The following NEBL variants were observed in gnomAD, a reference collection of about 807,000 sequenced individuals.
NEBL encodes LIM and SH3 protein 2.
A neutral mutation model predicts 140.2 loss-of-function variants in NEBL; 122 were observed. The observed-to-expected ratio is 0.87, with a 90% CI of 0.75 to 1.01. The LOEUF is 1.01. Ranked by LOEUF, NEBL falls within the 50% of genes least tolerant of loss-of-function variation. NEBL has a pLI of 0.00. For synonymous variants in NEBL, 436 were observed against 398.9 expected (o/e 1.09, Z -1.11); for missense variants, 1,365 against 1,231.3 (o/e 1.11, Z -1.62).
At chr10:20,987,492 C>T (rs185838228) in intron 3 of NEBL, among the ~76,000 whole-genome samples, 1 of 152,294 alleles carries the variant, frequency 6.6e-6, no homozygotes, top group Non-Finnish European at 1.5e-5. Flanking sequence ...ATGCAATGCA[C>T]TCCACATCCT....
At chr10:20,912,892 T>C (rs907360419) in intron 4 of NEBL, among the ~76,000 whole-genome samples, 1 of 151,044 alleles carries the variant, frequency 6.6e-6, no homozygotes, top group Non-Finnish European at 1.5e-5. Context: ...TTTTTTTTTT[T>C]TTTTTTTTTA....
At chr10:20,930,302 C>T (rs1356055268) in intron 4 of NEBL, among the ~76,000 whole-genome samples, 2 of 152,140 alleles carry the variant, frequency 1.3e-5, no homozygotes, top group African/African-American at 2.4e-5. Context: ...TCCTTCGACA[C>T]GTTTTATTGG....
In NEBL at chr10:20,782,643, C is replaced by T. The variant is rs1835105689; in HGVS notation, c.*3104G>A. ...TATTCCTACAAGGTGCTTGTGGAAA[C>T]TGTGCTTACAAATGCCTGTGTGGTG... On this transcript the variant is annotated 3_prime_UTR_variant, in exon 28 of 28. Coordinates refer to ENST00000377122, the MANE Select transcript of NEBL (RefSeq NM_006393.3). 6.6e-6 allele frequency: 1 copy of T among 152,198 alleles called. No homozygotes were observed. The highest frequency in any genetic ancestry group is 1.5e-5 in the Non-Finnish European group (1 of 68,052). 9.4% of individuals were successfully genotyped at this position (152,198 alleles called of 1,614,324 possible).
chr10:21,093,403 G>T (rs1194776719), intron 2 of NEBL, among the ~76,000 whole-genome samples: 3 of 152,082 alleles, frequency 2.0e-5, no homozygotes, highest in South Asian at 4.1e-4. Context: ...CTCTTGGCTT[G>T]CTCTGTCTCC....
intron 2 of NEBL, among the ~76,000 whole-genome samples, chr10:21,130,510 C>G (rs1246025937): frequency 6.6e-6 from 1 of 152,068 alleles, no homozygotes; most frequent in Non-Finnish European, 1.5e-5. Context: ...TACACCTTAG[C>G]AAATTTAAAA....
chr10:20,799,022 T>C (rs551709409), intron 26 of NEBL, among the ~76,000 whole-genome samples: 1 of 152,340 alleles, frequency 6.6e-6, no homozygotes. Context: ...TTGCGAACAA[T>C]GTACAATGTG....
Position 20,823,320 on chromosome 10 carries a change from A to ATAACGT in NEBL, c.1870-26_1870-21dup, listed in dbSNP as rs1470563880. 3 of 1,543,520 alleles carry ATAACGT rather than the reference A, an allele frequency of 1.9e-6. No individual in the cohort carries two copies. Among genetic ancestry groups the ATAACGT allele is most frequent in the East Asian group, 4.5e-5 (2 of 44,320 alleles). ...TTTCACCTGCATAATTTATAAGAAT[A>ATAACGT]TAACGTTAACTTTATTCTATGCAAG... is the stretch of plus-strand genomic sequence containing the variant. On this transcript the variant is annotated intron_variant, in intron 18 of 27. Coordinates refer to ENST00000377122, the MANE Select transcript of NEBL (RefSeq NM_006393.3).
chr10:20,897,288 C>A lies in NEBL; in HGVS notation c.-83G>T. 1.3e-6 allele frequency: 2 copies of A among 1,514,638 alleles called. No individual in the cohort carries two copies. Among genetic ancestry groups the A allele is most frequent in the Admixed American group, 2.2e-5 (1 of 46,366 alleles). 93.8% of individuals were successfully genotyped at this position (1,514,638 alleles called of 1,614,324 possible). ...TACCACAGTGCCCTTGAGATGCTGA[C>A]GTCTCTGGTGCTCTGGCAGAAATGC... is the stretch of plus-strand genomic sequence containing the variant. On this transcript the variant is annotated 5_prime_UTR_variant, in exon 1 of 28. Coordinates refer to ENST00000377122, the MANE Select transcript of NEBL (RefSeq NM_006393.3).
chr10:21,153,310 G>C (rs1211127628), intron 2 of NEBL, among the ~76,000 whole-genome samples: 1 of 151,448 alleles, frequency 6.6e-6, no homozygotes, highest in African/African-American at 2.4e-5. Flanking sequence ...GGCTGCAAAG[G>C]CCCTTGTATT....
intron 2 of NEBL, among the ~76,000 whole-genome samples, chr10:21,087,611 G>A (rs1836698768): frequency 6.6e-6 from 1 of 152,206 alleles, no homozygotes; most frequent in Non-Finnish European, 1.5e-5. Context: ...TTAAACTCAT[G>A]TGACTAAAAT....
At chr10:20,956,120 A>G (rs573845035) in intron 4 of NEBL, among the ~76,000 whole-genome samples, 22 of 152,202 alleles carry the variant, frequency 1.4e-4, no homozygotes, top group Non-Finnish European at 2.8e-4. Context: ...GTTCTGCTCT[A>G]CATGGAAAAA....
chr10:20,964,388 G>C (rs1397770485), intron 3 of NEBL, among the ~76,000 whole-genome samples: 1 of 152,186 alleles, frequency 6.6e-6, no homozygotes, highest in Non-Finnish European at 1.5e-5. Flanking sequence ...TCTGTAAGCT[G>C]TACAGGAAGC....
At chr10:21,121,125 C>T (rs983811104) in intron 2 of NEBL, among the ~76,000 whole-genome samples, 2 of 152,116 alleles carry the variant, frequency 1.3e-5, no homozygotes, top group African/African-American at 4.8e-5. Flanking sequence ...CTTTTTTTAA[C>T]AGTATCTACC....
At chr10:21,039,092 T>C (rs1834145247) in intron 2 of NEBL, among the ~76,000 whole-genome samples, 1 of 146,530 alleles carries the variant, frequency 6.8e-6, no homozygotes, top group African/African-American at 2.5e-5. Flanking sequence ...TTTTTGTAAA[T>C]TTGTTTAAGT....
upstream of NEBL, among the ~76,000 whole-genome samples, chr10:21,176,013 A>G (rs1243928730): frequency 6.6e-6 from 1 of 151,156 alleles, no homozygotes; most frequent in Non-Finnish European, 1.5e-5. Flanking sequence ...TTTCTGAGAC[A>G]GGGTCTAACT....
intron 3 of NEBL, among the ~76,000 whole-genome samples, chr10:21,187,433 C>T (rs934867359): frequency 6.6e-6 from 1 of 152,058 alleles, no homozygotes; most frequent in Non-Finnish European, 1.5e-5. Flanking sequence ...CAGCTAGCAT[C>T]TGGTAAAATA....
intron 3 of NEBL, among the ~76,000 whole-genome samples, chr10:21,228,243 T>C (rs952243384): frequency 2.0e-5 from 3 of 152,044 alleles, no homozygotes; most frequent in Non-Finnish European, 2.9e-5. Flanking sequence ...ACCCTCAAAC[T>C]CCTGAAGTCA....
intron 2 of NEBL, among the ~76,000 whole-genome samples, chr10:21,039,341 G>T (rs190900910): frequency 6.6e-6 from 1 of 152,192 alleles, no homozygotes; most frequent in Non-Finnish European, 1.5e-5. Context: ...TTTTCTTCTA[G>T]GGTTTTTATG....
At chr10:20,912,444 T>C (rs7895973) in intron 4 of NEBL, among the ~76,000 whole-genome samples, 113,225 of 152,142 alleles carry the variant, frequency 0.74, 42,298 homozygotes, top group Admixed American at 0.8. Flanking sequence ...GAATGAGACC[T>C]TGTCTTTAAA....
Sources: gnomAD v4.1 joint callset for allele counts (sites outside exome capture counted in the v4.1 genomes callset) on GRCh38, gnomAD v4.1.1 for gene constraint, MANE v1.5 for transcripts, NCBI Gene and HGNC (gene_info 2026-07-23, HGNC 2026-07-21) for gene names.